Variants in PDE4D observed in about 807,000 individuals in gnomAD.
The protein encoded by PDE4D is phosphodiesterase 4D.
In PDE4D, 24 loss-of-function variants were observed where a neutral mutation model predicts 87.4. That is an observed-to-expected ratio of 0.27 (90% CI 0.20 to 0.39). PDE4D has a LOEUF of 0.39. PDE4D is among the 10% of genes least tolerant of loss of function. The pLI is 1.00. For synonymous variants in PDE4D, 384 were observed against 383.2 expected (o/e 1.00, Z -0.02); for missense variants, 714 against 1,041.0 (o/e 0.69, Z 4.32).
chr5:59,671,941 T>A (rs1013944896), intron 1 of PDE4D, among the ~76,000 whole-genome samples: 2 of 152,128 alleles, frequency 1.3e-5, no homozygotes, highest in Admixed American at 6.5e-5. Flanking sequence ...AGGATTAAAA[T>A]CTTCATTTTC....
chr5:60,123,196 A>C (rs1024624296), intron 2 of PDE4D, among the ~76,000 whole-genome samples: 1 of 152,100 alleles, frequency 6.6e-6, no homozygotes, highest in African/African-American at 2.4e-5. Context: ...AGCTCTCCAA[A>C]CTGTTTCAAC....
At chr5:59,335,554 T>C (rs1777513318) in intron 1 of PDE4D, among the ~76,000 whole-genome samples, 1 of 152,214 alleles carries the variant, frequency 6.6e-6, no homozygotes, top group South Asian at 2.1e-4. Flanking sequence ...TTTATCACTT[T>C]TACCCATTTA....
intron 1 of PDE4D, among the ~76,000 whole-genome samples, chr5:59,808,551 T>C (rs2152675584): frequency 6.6e-6 from 1 of 152,122 alleles, no homozygotes. Context: ...CTAGGCCCCA[T>C]TCCAACCTGT....
chr5:59,171,891 A>T lies in PDE4D; in HGVS notation c.808+8704T>A, dbSNP rs1279447497. On this transcript the variant is annotated intron_variant, in intron 5 of 14. Transcript: ENST00000340635. ...TTTATATGAGAAATATATTTATTAT[A>T]TAATAAGCATATATATGAGAAATAC... 5.5e-5 allele frequency among the ~76,000 whole-genome samples: 7 copies of T among 127,914 alleles called. No homozygotes were observed. The East Asian group carries it at 1.5e-3, about 27-fold the overall frequency. 83.9% of individuals were successfully genotyped at this position (127,914 alleles called of 152,430 possible). A position where few individuals can be genotyped will look rare whatever the true frequency, so the allele number is the denominator to read the frequency against.
intron 2 of PDE4D, among the ~76,000 whole-genome samples, chr5:60,148,237 T>G (rs1275097995): frequency 6.6e-6 from 1 of 152,186 alleles, no homozygotes; most frequent in African/African-American, 2.4e-5. Context: ...AAGCTCTGAA[T>G]ATACTTCCCA....
At chr5:59,148,604 T>A (rs1196669276) in intron 5 of PDE4D, among the ~76,000 whole-genome samples, 1 of 152,234 alleles carries the variant, frequency 6.6e-6, no homozygotes, top group African/African-American at 2.4e-5. Context: ...TTGTTTTAAT[T>A]GGTTACGAAT....
chr5:60,426,111 G>A (rs554284227), intron 1 of PDE4D, among the ~76,000 whole-genome samples: 60 of 152,294 alleles, frequency 3.9e-4, no homozygotes, highest in African/African-American at 1.4e-3. Context: ...AACCATTGTG[G>A]AAGACAGTGT....
At chr5:59,066,810 G>A (rs560434600) in intron 5 of PDE4D, among the ~76,000 whole-genome samples, 3 of 152,008 alleles carry the variant, frequency 2.0e-5, no homozygotes, top group South Asian at 4.2e-4. Context: ...TATAAAGGAG[G>A]CCCAAGAGAG....
intron 5 of PDE4D, chr5:59,157,196 C>T (rs1483691958): frequency 1.4e-5 from 9 of 624,954 alleles, no homozygotes; most frequent in Admixed American, 7.9e-5. Flanking sequence ...GAATTTCCAC[C>T]AGTCAGCATA....
intron 3 of PDE4D, among the ~76,000 whole-genome samples, chr5:59,911,860 G>GTATA (rs1346282945): frequency 3.3e-5 from 5 of 152,110 alleles, no homozygotes; most frequent in Non-Finnish European, 7.4e-5. Flanking sequence ...TTATGGTAAT[G>GTATA]TATAATGCAC....
intron 5 of PDE4D, among the ~76,000 whole-genome samples, chr5:59,143,164 CCCTCCTTCCCTCCCTCCCTT>C (rs1056005708): frequency 3.3e-5 from 5 of 150,842 alleles, no homozygotes; most frequent in African/African-American, 7.3e-5. Flanking sequence ...TTCCCTTCCT[CCCTCCTTCCCTCCCTCCCTT>C]CCTCCTTCCC....
Position 60,029,524 on chromosome 5 carries a change from T to G in PDE4D, c.43-40807A>C, listed in dbSNP as rs116816264. Among the ~76,000 whole-genome samples, 401 of 152,284 alleles carry G rather than the reference T, an allele frequency of 2.6e-3. 3 individuals are homozygous for G. Among genetic ancestry groups the G allele is most frequent in the African/African-American group, 9.3e-3 (386 of 41,570 alleles). On this transcript the variant is annotated intron_variant, in intron 2 of 16. Transcript: ENST00000502484. ...TACATTGATTGATGTCTCATGTCTC[T>G]CTAAAATGTATAAAACTAAGCTATG... is the stretch of plus-strand genomic sequence containing the variant.
intron 1 of PDE4D, among the ~76,000 whole-genome samples, chr5:60,292,908 A>G (rs1031424995): frequency 2.6e-5 from 4 of 152,294 alleles, no homozygotes; most frequent in African/African-American, 9.6e-5. Flanking sequence ...TCTCCTCTCT[A>G]TTATGACATG....
chr5:59,007,233 T>C (rs1751804713), intron 6 of PDE4D, among the ~76,000 whole-genome samples: 2 of 152,224 alleles, frequency 1.3e-5, no homozygotes, highest in Non-Finnish European at 1.5e-5. Flanking sequence ...TATTTTATCC[T>C]ATAATCAATC....
At chr5:59,754,919 A>T (rs1224618471) in intron 1 of PDE4D, among the ~76,000 whole-genome samples, 1 of 149,146 alleles carries the variant, frequency 6.7e-6, no homozygotes, top group Admixed American at 6.9e-5. Context: ...GCATCACCCA[A>T]TCCAAGTTCA....
intron 1 of PDE4D, among the ~76,000 whole-genome samples, chr5:59,329,256 C>T (rs957498489): frequency 1.3e-5 from 2 of 152,162 alleles, no homozygotes; most frequent in Admixed American, 1.3e-4. Context: ...AATTTGCCAA[C>T]TGTTACATCA....
At chr5:59,557,415 T>A (rs1819129419) in intron 1 of PDE4D, among the ~76,000 whole-genome samples, 1 of 152,142 alleles carries the variant, frequency 6.6e-6, no homozygotes, top group South Asian at 2.1e-4. Flanking sequence ...CATTTTGAGA[T>A]CTAGAATCTT....
At chr5:60,469,218 T>C (rs138797257) in intron 1 of PDE4D, among the ~76,000 whole-genome samples, 7 of 152,300 alleles carry the variant, frequency 4.6e-5, no homozygotes, top group African/African-American at 1.7e-4. Flanking sequence ...TGAATTTGTC[T>C]GCCTTGTTTG....
chr5:60,149,373 A>G (rs921993892), intron 2 of PDE4D, among the ~76,000 whole-genome samples: 3 of 152,252 alleles, frequency 2.0e-5, no homozygotes, highest in Middle Eastern at 3.4e-3. Flanking sequence ...GCAATAGCTA[A>G]CCCACTCTCA....
Sources: allele counts gnomAD v4.1 joint callset (sites outside exome capture counted in the v4.1 genomes callset), GRCh38; gene constraint gnomAD v4.1.1; transcripts MANE v1.5; gene names NCBI Gene and HGNC (gene_info 2026-07-23, HGNC 2026-07-21).